ORC2: variants seen among roughly 807,000 people sequenced by gnomAD.
ORC2 encodes the protein origin recognition complex subunit 2.
ORC2 carries 37 observed loss-of-function variants against 77.7 expected under a neutral mutation model. The observed-to-expected ratio is 0.48, with a 90% CI of 0.37 to 0.63. The LOEUF is 0.63. Ranked by LOEUF, ORC2 falls within the 20% of genes least tolerant of loss-of-function variation. The pLI, the probability that ORC2 is intolerant of heterozygous loss-of-function variation, is 0.00. For missense variants in ORC2, 557 were observed against 661.9 expected (o/e 0.84, Z 1.74); for synonymous variants, 201 against 229.5 (o/e 0.88, Z 1.12).
intron 4 of ORC2, among the ~76,000 whole-genome samples, chr2:200,952,046 CT>C (rs35690192): frequency 6.6e-6 from 1 of 151,418 alleles, no homozygotes; most frequent in African/African-American, 2.4e-5. Context: ...GGTAGAGGGC[CT>C]TTTTTTTAAA....
chr2:200,958,480 G>C (rs575749440), intron 2 of ORC2, among the ~76,000 whole-genome samples: 2 of 152,182 alleles, frequency 1.3e-5, no homozygotes, highest in South Asian at 4.2e-4. Flanking sequence ...AACAGAAAGG[G>C]GGTGGTTAAT....
chr2:200,924,100 A>G (rs2040803108), intron 13 of ORC2, among the ~76,000 whole-genome samples: 1 of 152,154 alleles, frequency 6.6e-6, no homozygotes, highest in Non-Finnish European at 1.5e-5. Flanking sequence ...TAATCCCAGC[A>G]CTTTGGAAGG....
At chr2:200,931,783 T>G (rs1022466981) in intron 10 of ORC2, among the ~76,000 whole-genome samples, 1 of 152,170 alleles carries the variant, frequency 6.6e-6, no homozygotes, top group African/African-American at 2.4e-5. Context: ...ACTATTATCA[T>G]TAGTAAAATA....
chr2:200,917,389 C>T (rs886869393), intron 15 of ORC2, among the ~76,000 whole-genome samples: 2 of 152,126 alleles, frequency 1.3e-5, no homozygotes, highest in Non-Finnish European at 2.9e-5. Flanking sequence ...TGGCCTCATG[C>T]AATCTTCCCT....
rs764777415 is a variant in ORC2, at chr2:200,937,930, G to A, written c.490C>T (p.Arg164Cys). The stretch of plus-strand genomic sequence containing the variant: ...CCTATTAATCTTTTTCTTAGACTAC[G>A]AGGTGCTGTTGACAGAAATTCACTT... ...DKSEFLSTAP[R>C]SLRKRLIVPR... Residue 164 changes from arginine (R) to cysteine (C), a missense_variant, in exon 8 of 18, where the codon CGT becomes TGT. Physicochemically the swap from Arg to Cys is radical, Grantham distance 180. Transcript: ENST00000234296. 8.1e-6 allele frequency: 13 copies of A among 1,600,602 alleles called. No individual in the cohort carries two copies. Among genetic ancestry groups the A allele is most frequent in the Non-Finnish European group, 1.0e-5 (12 of 1,171,662 alleles).
chr2:200,958,153 T>C lies in ORC2; in HGVS notation c.-10-20A>G. The C allele has an allele frequency of 7.2e-7, 1 of 1,389,978 alleles. No homozygotes were observed. Among genetic ancestry groups the C allele is most frequent in the African/African-American group, 1.4e-5 (1 of 70,636 alleles). 86.1% of individuals were successfully genotyped at this position (1,389,978 alleles called of 1,614,324 possible). A position where few individuals can be genotyped will look rare whatever the true frequency, so the allele number is the denominator to read the frequency against. On this transcript the variant is annotated intron_variant, in intron 2 of 17. Coordinates refer to ENST00000234296, the MANE Select transcript of ORC2 (RefSeq NM_006190.5). ...GCCAACCTAAACAAAAACAGTAAGT[T>C]ACTCAAAAGTGATGAAGAATTCATA... is the stretch of plus-strand genomic sequence containing the variant.
intron 1 of ORC2, chr2:200,963,137 T>G: frequency 7.7e-6 from 2 of 258,852 alleles, no homozygotes; most frequent in African/African-American, 2.2e-5. Context: ...ATCAGGTAGG[T>G]TAGTATCAGG....
intron 15 of ORC2, among the ~76,000 whole-genome samples, chr2:200,918,870 T>A (rs1025571540): frequency 3.9e-5 from 6 of 151,958 alleles, no homozygotes; most frequent in African/African-American, 1.5e-4. Context: ...AATTTATAGA[T>A]CTAATACCTG....
Position 200,957,392 on chromosome 2 carries a change from C to T in ORC2, c.238+9G>A. 6.4e-7 allele frequency: 1 copy of T among 1,562,276 alleles called. No homozygotes were observed. The highest frequency in any genetic ancestry group is 8.7e-7 in the Non-Finnish European group (1 of 1,155,366). On this transcript the variant is annotated intron_variant, in intron 4 of 17. Transcript: ENST00000234296. ...CAGAAACGAGTGTATATTTCACCCC[C>T]TCAAATACCTTGAACATCTCTTCCC...
intron 5 of ORC2, among the ~76,000 whole-genome samples, chr2:200,946,159 T>A (rs538289984): frequency 4.6e-4 from 69 of 151,624 alleles, no homozygotes; most frequent in South Asian, 8.3e-4. Flanking sequence ...TTTTTTTTTT[T>A]AATTTTTTTT....
chr2:200,924,510 G>C (rs1299459375), intron 13 of ORC2, among the ~76,000 whole-genome samples: 1 of 152,164 alleles, frequency 6.6e-6, no homozygotes, highest in Non-Finnish European at 1.5e-5. Flanking sequence ...CTACGGAACA[G>C]AGCTAAGATT....
rs2041509402 is a variant in ORC2, at chr2:200,958,247, A to C, written c.-10-114T>G. On this transcript the variant is annotated intron_variant, in intron 2 of 17. Coordinates refer to ENST00000234296, the MANE Select transcript of ORC2 (RefSeq NM_006190.5). ...ATCTAATATTTTTAAAGTCTTTTTAAGTATAAAAAATACATTATGCATTAC... is the reference window on the plus strand; with the variant it reads ...ATCTAATATTTTTAAAGTCTTTTTACGTATAAAAAATACATTATGCATTAC... 7 of 617,958 alleles carry C rather than the reference A, an allele frequency of 1.1e-5. No individual in the cohort carries two copies. The South Asian group carries it at 1.5e-4, about 13-fold the overall frequency. The allele number at this position is 617,958 out of a possible 1,614,324, so 38.3% of individuals were successfully genotyped here.
chr2:200,948,075 A>ATTTTT (rs57958964), intron 5 of ORC2, among the ~76,000 whole-genome samples: 120 of 146,068 alleles, frequency 8.2e-4, no homozygotes, highest in African/African-American at 2.7e-3. Flanking sequence ...CGCCTGGCTA[A>ATTTTT]TTTTTTTTTT....
chr2:200,918,493 CTT>C (rs780546358), intron 15 of ORC2, among the ~76,000 whole-genome samples: 15 of 144,278 alleles, frequency 1.0e-4, no homozygotes, highest in Middle Eastern at 3.6e-3. Flanking sequence ...TTTCTTCTTT[CTT>C]TTTTTTTTTT....
chr2:200,931,452 T>TA lies in ORC2; in HGVS notation c.808-5dup, dbSNP rs774257534. ...TCAATAAGTTACGCAAAGTTTGCTT[T>TA]AAAAAAAAGGAGGAGGGGAAAAAAG... On this transcript the variant is annotated splice_polypyrimidine_tract_variant and splice_region_variant and intron_variant, in intron 10 of 17. Coordinates refer to ENST00000234296, the MANE Select transcript of ORC2 (RefSeq NM_006190.5). 166 of 1,516,154 alleles carry TA rather than the reference T, an allele frequency of 1.1e-4. No homozygotes were observed. Among genetic ancestry groups the TA allele is most frequent in the Admixed American group, 1.9e-4 (9 of 48,298 alleles). The allele number at this position is 1,516,154 out of a possible 1,614,324, so 93.9% of individuals were successfully genotyped here.
intron 8 of ORC2, among the ~76,000 whole-genome samples, chr2:200,936,976 C>G (rs1278386009): frequency 6.8e-6 from 1 of 146,858 alleles, no homozygotes; most frequent in African/African-American, 2.5e-5. Flanking sequence ...CAGCATGTAA[C>G]AAATGTAGAT....
At chr2:200,912,059 A>G (rs2040559695) in intron 17 of ORC2, among the ~76,000 whole-genome samples, 2 of 152,176 alleles carry the variant, frequency 1.3e-5, no homozygotes, top group Admixed American at 1.3e-4. Flanking sequence ...CTTCTGTGAC[A>G]TCACATCCTG....
chr2:200,959,017 C>G (rs772407206), intron 2 of ORC2, among the ~76,000 whole-genome samples: 7 of 152,106 alleles, frequency 4.6e-5, no homozygotes, highest in Non-Finnish European at 8.8e-5. Context: ...CTGTGTCTCT[C>G]TTTTCTTTCT....
In ORC2 at chr2:200,957,635, C is replaced by T. The variant is rs564073116; in HGVS notation, c.95-91G>A. The T allele has an allele frequency of 5.3e-4, 516 of 969,958 alleles. 3 individuals are homozygous for T. In the African/African-American group the frequency reaches 7.8e-3, roughly 15 times the overall value. 60.1% of individuals were successfully genotyped at this position (969,958 alleles called of 1,614,324 possible). On this transcript the variant is annotated intron_variant, in intron 3 of 17. Transcript: ENST00000234296. ...TAAGAAATTATAATATTTATATTGTCATTACTTAAAAGCTGGGAAAAAAGC... is the reference window on the plus strand; with the variant it reads ...TAAGAAATTATAATATTTATATTGTTATTACTTAAAAGCTGGGAAAAAAGC...
Sources: gnomAD v4.1 joint callset for allele counts (sites outside exome capture counted in the v4.1 genomes callset) on GRCh38, gnomAD v4.1.1 for gene constraint, MANE v1.5 for transcripts, NCBI Gene and HGNC (gene_info 2026-07-23, HGNC 2026-07-21) for gene names.